The following GYS1 variants were observed in gnomAD, a reference collection of about 807,000 sequenced individuals.
GYS1 encodes the protein glycogen [starch] synthase, muscle.
A neutral mutation model predicts 89.1 loss-of-function variants in GYS1; 60 were observed. The ratio of observed to expected loss-of-function variants is 0.67; its 90% CI spans 0.55 to 0.84. GYS1 has a LOEUF of 0.84. Among genes scored for constraint, GYS1 ranks in the 40% least tolerant of loss-of-function variants. The probability of loss-of-function intolerance (pLI) is 0.00; values close to 1 mark genes in which losing one functional copy is unlikely to be tolerated. For synonymous variants in GYS1, 366 were observed against 401.7 expected (o/e 0.91, Z 1.06); for missense variants, 888 against 1,003.1 (o/e 0.89, Z 1.55).
In GYS1 at chr19:48,991,373, C is replaced by G; in HGVS notation, c.229G>C (p.Val77Leu). The G allele has an allele frequency of 6.2e-7, 1 of 1,614,138 alleles. No individual in the cohort carries two copies. The highest frequency in any genetic ancestry group is 8.5e-7 in the Non-Finnish European group (1 of 1,180,044). Residue 77 changes from valine (V) to leucine (L), a missense_variant, in exon 2 of 16, where the codon GTG becomes CTG. Coordinates refer to ENST00000323798, the MANE Select transcript of GYS1 (RefSeq NM_002103.5). The surrounding 1 kb of genome is among the most constrained non-coding windows in gnomAD (Gnocchi z 4.7). The part of the protein sequence containing the change: ...PYTEQGVRTQ[V>L]ELLEAPTPAL... ...GGGGTGGGGGCCTCCAGCAGTTCCA[C>G]CTGGGTCCTCACGCCCTGCTCCGTG...
chr19:48,982,966 T>TC (rs564230331), intron 5 of GYS1, 129 bp from the exon 6 acceptor site: 1 of 731,818 alleles, frequency 1.4e-6, no homozygotes, highest in Non-Finnish European at 2.5e-6. Context: ...TCCTATGAGG[T>TC]CCCCCCTCCC....
chr19:48,974,747 A>G lies in GYS1; in HGVS notation c.1309-14T>C. 6.5e-7 allele frequency: 1 copy of G among 1,547,970 alleles called. No homozygotes were observed. The highest frequency in any genetic ancestry group is 8.9e-7 in the Non-Finnish European group (1 of 1,120,194). ...GAAAGACTGCCGCTGCAGGAGCCAC[A>G]AGAAGGGTAAGGGGTCATGGAAGGG... On this transcript the variant is annotated splice_polypyrimidine_tract_variant and intron_variant, in intron 10 of 15. Coordinates refer to ENST00000323798, the MANE Select transcript of GYS1 (RefSeq NM_002103.5).
At chr19:48,976,362 C>G (rs552135832) in intron 10 of GYS1, among the ~76,000 whole-genome samples, 25 of 152,192 alleles carry the variant, frequency 1.6e-4, no homozygotes, top group African/African-American at 6.0e-4. Context: ...AGCCTCTGGA[C>G]AAGGGAAGCG....
chr19:48,983,810 C>T (rs1197669208), intron 5 of GYS1, among the ~76,000 whole-genome samples: 11 of 152,178 alleles, frequency 7.2e-5, no homozygotes, highest in Admixed American at 7.2e-4. Flanking sequence ...TAGCCAATTA[C>T]AGAATTTTAT....
intron 14 of GYS1, chr19:48,970,150 T>C: frequency 4.0e-6 from 2 of 499,834 alleles, no homozygotes; most frequent in East Asian, 3.7e-5. Flanking sequence ...TTAAACACGG[T>C]CTTGTTCTGT....
intron 12 of GYS1, among the ~76,000 whole-genome samples, chr19:48,973,857 G>A (rs1200837103): frequency 1.3e-5 from 2 of 152,118 alleles, no homozygotes; most frequent in Admixed American, 6.6e-5. Flanking sequence ...GAACCAACAA[G>A]AGGAAGGTGG....
chr19:48,981,012 C>T (rs2038752177), intron 8 of GYS1, among the ~76,000 whole-genome samples: 1 of 151,782 alleles, frequency 6.6e-6, no homozygotes, highest in African/African-American at 2.4e-5. Flanking sequence ...TACTCAGAGG[C>T]TGAGGCAGGA....
Position 48,982,712 on chromosome 19 carries a change from C to T in GYS1, c.941+8G>A. ...CTCTCTTAAGACCTAGGTATATGCC[C>T]CACGTACCCATAAAAATGGCCCCGC... On this transcript the variant is annotated splice_region_variant and intron_variant, in intron 6 of 15. Coordinates refer to ENST00000323798, the MANE Select transcript of GYS1 (RefSeq NM_002103.5). 6.4e-7 allele frequency: 1 copy of T among 1,551,588 alleles called. No individual in the cohort carries two copies. Among genetic ancestry groups the T allele is most frequent in the Non-Finnish European group, 8.9e-7 (1 of 1,123,150 alleles).
chr19:48,990,644 C>T (rs2122537779), intron 2 of GYS1, among the ~76,000 whole-genome samples: 1 of 152,350 alleles, frequency 6.6e-6, no homozygotes, highest in South Asian at 2.1e-4. Flanking sequence ...TAACTGTTTC[C>T]TCCTCCCAGC....
Position 48,968,826 on chromosome 19 carries a change from G to C in GYS1, c.*462C>G, listed in dbSNP as rs1490105319. 1 of 457,710 alleles carries C rather than the reference G, an allele frequency of 2.2e-6. No homozygotes were observed. 28.4% of individuals were successfully genotyped at this position (457,710 alleles called of 1,614,324 possible). ...CTGAAAGTGCCCCGGCTCTGGACTT[G>C]ATCGCCCCATTCGCAGGGACACCAC... On this transcript the variant is annotated 3_prime_UTR_variant, in exon 16 of 16. Coordinates refer to ENST00000323798, the MANE Select transcript of GYS1 (RefSeq NM_002103.5).
At chr19:48,982,218 G>A in intron 7 of GYS1, 37 bp downstream of exon 7, 2 of 1,609,408 alleles carry the variant, frequency 1.2e-6, no homozygotes, top group Non-Finnish European at 1.7e-6. Flanking sequence ...AAACTGCTTT[G>A]CTTGCCCTCC....
intron 5 of GYS1, among the ~76,000 whole-genome samples, chr19:48,984,837 C>T (rs1408580797): frequency 3.3e-5 from 5 of 151,850 alleles, no homozygotes; most frequent in Admixed American, 2.6e-4. Context: ...GCCAAGATAG[C>T]GCCACTGCAC....
At position 48,974,310 on chromosome 19, in the gene GYS1, G is replaced by A. The variant is rs2038611447; in HGVS notation, c.1452C>T (p.Ser484=). The A allele has an allele frequency of 6.2e-7, 1 of 1,613,834 alleles. No homozygotes were observed. The highest frequency in any genetic ancestry group is 8.5e-7 in the Non-Finnish European group (1 of 1,179,852). ...AGTCCACAGGGAGCAGGGGGCTTGT[G>A]GAGGAGAGGAACTCCGGGTGGAAAA... ...KVIFHPEFLS[S]TSPLLPVDYE... is the part of the protein sequence containing the mutation. The change falls in exon 12 of 16, where the codon TCC becomes TCT. Residue 484 remains serine, a synonymous_variant. Coordinates refer to ENST00000323798, the MANE Select transcript of GYS1 (RefSeq NM_002103.5).
chr19:48,977,541 C>T (rs171543), intron 10 of GYS1, among the ~76,000 whole-genome samples: 5 of 151,928 alleles, frequency 3.3e-5, no homozygotes, highest in African/African-American at 7.3e-5. Context: ...TGCAGTGAGC[C>T]GAGATCGTGC....
chr19:48,973,309 T>C (rs1015778301), intron 12 of GYS1, among the ~76,000 whole-genome samples: 4 of 142,468 alleles, frequency 2.8e-5, no homozygotes, highest in Non-Finnish European at 4.5e-5. Context: ...CTTTCCGTTA[T>C]AAATTACCCA....
chr19:48,981,661 G>A, intron 7 of GYS1, 25 bp from the exon 8 acceptor site: 1 of 1,467,138 alleles, frequency 6.8e-7, no homozygotes, highest in Non-Finnish European at 9.6e-7. Flanking sequence ...AGGAGGGGGA[G>A]GCCAGGATCA....
At position 48,993,092 on chromosome 19, in the gene GYS1, C is replaced by G. The variant is rs1437155160; in HGVS notation, c.21G>C (p.Leu7Phe). The change falls in exon 1 of 16, where the codon TTG becomes TTC. Residue 7 changes from leucine to phenylalanine, a missense_variant. Transcript: ENST00000323798. The part of the protein sequence containing the change: MPLNRT[L>F]SMSSLPGLED... ...CCAGTCCTGGCAGTGAGGACATGGA[C>G]AAAGTGCGGTTTAAAGGCATGGCTG... 3 of 1,610,138 alleles carry G rather than the reference C, an allele frequency of 1.9e-6. No individual in the cohort carries two copies. In the African/African-American group the frequency reaches 4.0e-5, roughly 22 times the overall value.
At chr19:48,985,827 C>T (rs1368133495) in intron 4 of GYS1, 23 bp downstream of exon 4, 1 of 1,611,072 alleles carries the variant, frequency 6.2e-7, no homozygotes, top group African/African-American at 1.3e-5. Context: ...CGCAGTCCCC[C>T]ATCTGCCACG....
chr19:48,987,597 C>T (rs1338673860), intron 2 of GYS1, among the ~76,000 whole-genome samples: 1 of 152,098 alleles, frequency 6.6e-6, no homozygotes, highest in Non-Finnish European at 1.5e-5. Context: ...CACATTTTTT[C>T]CATCTCTGTT....
Sources: gnomAD v4.1 joint callset for allele counts (sites outside exome capture counted in the v4.1 genomes callset) on GRCh38, gnomAD v4.1.1 for gene constraint, Gnocchi (gnomAD v3.1) non-coding constraint, MANE v1.5 for transcripts, NCBI Gene and HGNC (gene_info 2026-07-23, HGNC 2026-07-21) for gene names.